PRKG1: variants seen among roughly 807,000 people sequenced by gnomAD.
The protein encoded by PRKG1 is protein kinase cGMP-dependent 1, also known as cGMP-dependent protein kinase 1.
In PRKG1, 35 loss-of-function variants were observed where a neutral mutation model predicts 88.1. The ratio of observed to expected loss-of-function variants is 0.40; its 90% confidence interval spans 0.30 to 0.53. The LOEUF (loss-of-function observed/expected upper bound fraction) is 0.53, where lower values mean the gene tolerates loss of function less well. PRKG1 is among the 20% of genes least tolerant of loss of function. The probability of loss-of-function intolerance (pLI) is 0.59; values close to 1 mark genes in which losing one functional copy is unlikely to be tolerated. For synonymous variants in PRKG1, 303 were observed against 292.5 expected, an observed-to-expected ratio of 1.04 and a Z score of -0.37; for missense variants, 540 against 839.8, an observed-to-expected ratio of 0.64 and a Z score of 4.41.
intron 2 of PRKG1, among the ~76,000 whole-genome samples, chr10:51,166,160 C>T (rs577511132): frequency 2.4e-4 from 36 of 151,332 alleles, no homozygotes; most frequent in South Asian, 4.2e-4. Flanking sequence ...CAGATTTATG[C>T]GATCCTTGAT....
intron 12 of PRKG1, among the ~76,000 whole-genome samples, chr10:52,274,867 T>C (rs942225650): frequency 6.6e-6 from 1 of 152,154 alleles, no homozygotes; most frequent in Non-Finnish European, 1.5e-5. Context: ...TTTTTGATTA[T>C]GGCCATTCTT....
intron 3 of PRKG1, among the ~76,000 whole-genome samples, chr10:51,521,491 T>C (rs1564533323): frequency 6.6e-6 from 1 of 152,228 alleles, no homozygotes; most frequent in African/African-American, 2.4e-5. Flanking sequence ...ACATGAGTTG[T>C]ATTTAAAATT....
At chr10:51,281,147 G>C (rs1393581706) in intron 2 of PRKG1, among the ~76,000 whole-genome samples, 1 of 152,144 alleles carries the variant, frequency 6.6e-6, no homozygotes, top group African/African-American at 2.4e-5. Context: ...TGTTTGCCTG[G>C]GTATCAGCAG....
chr10:51,555,292 A>G (rs1837281857), intron 3 of PRKG1, among the ~76,000 whole-genome samples: 1 of 151,976 alleles, frequency 6.6e-6, no homozygotes, highest in Admixed American at 6.6e-5. Context: ...AAATCCTGCA[A>G]CAACACATTC....
chr10:51,755,546 A>AACCTAAGC (rs1431824533), intron 3 of PRKG1, among the ~76,000 whole-genome samples: 1 of 152,212 alleles, frequency 6.6e-6, no homozygotes, highest in Non-Finnish European at 1.5e-5. Context: ...CTTGCCTTAT[A>AACCTAAGC]ACCTAAGCAT....
chr10:51,010,605 T>C (rs1352485286), intron 1 of PRKG1, among the ~76,000 whole-genome samples: 2 of 152,236 alleles, frequency 1.3e-5, no homozygotes, highest in East Asian at 3.8e-4. Flanking sequence ...GTGCTTGAAC[T>C]GTCCAAGTTG....
intron 3 of PRKG1, among the ~76,000 whole-genome samples, chr10:51,525,305 C>G (rs1564534819): frequency 6.6e-6 from 1 of 152,032 alleles, no homozygotes. Flanking sequence ...ACCTTAACAT[C>G]TAGAATTTTA....
intron 9 of PRKG1, among the ~76,000 whole-genome samples, chr10:52,211,496 T>C (rs1247735466): frequency 1.3e-5 from 2 of 152,148 alleles, no homozygotes; most frequent in Non-Finnish European, 2.9e-5. Flanking sequence ...TTTATTTCTA[T>C]TTAAGAATTA....
chr10:51,994,111 C>G (rs1844377425), intron 5 of PRKG1, among the ~76,000 whole-genome samples: 1 of 152,202 alleles, frequency 6.6e-6, no homozygotes, highest in Non-Finnish European at 1.5e-5. Context: ...TCCTCAGTGG[C>G]AAACTACTGC....
intron 9 of PRKG1, among the ~76,000 whole-genome samples, chr10:52,233,193 A>T (rs964791150): frequency 3.3e-5 from 5 of 151,996 alleles, no homozygotes; most frequent in Non-Finnish European, 7.4e-5. Context: ...CCAAAAAAAA[A>T]AAAAGAGAGA....
chr10:52,257,861 G>A (rs1438951068), intron 10 of PRKG1, among the ~76,000 whole-genome samples: 1 of 139,434 alleles, frequency 7.2e-6, no homozygotes, highest in African/African-American at 2.5e-5. Context: ...TTGAGCATCA[G>A]TAGGTGTAGT....
chr10:51,062,075 A>C (rs1843698200), intron 1 of PRKG1, among the ~76,000 whole-genome samples: 2 of 152,158 alleles, frequency 1.3e-5, no homozygotes, highest in African/African-American at 4.8e-5. Context: ...GGATTATGTG[A>C]TCTTCCTTCA....
chr10:52,044,053 T>A (rs1845810995), intron 5 of PRKG1, among the ~76,000 whole-genome samples: 1 of 152,112 alleles, frequency 6.6e-6, no homozygotes, highest in Non-Finnish European at 1.5e-5. Context: ...TCATAAACTC[T>A]GAAGGTGTTC....
intron 4 of PRKG1, among the ~76,000 whole-genome samples, chr10:51,846,804 T>C (rs1350245897): frequency 1.3e-5 from 2 of 152,062 alleles, no homozygotes; most frequent in African/African-American, 4.8e-5. Flanking sequence ...TTTCAGCAGG[T>C]TAATTGGACA....
intron 2 of PRKG1, among the ~76,000 whole-genome samples, chr10:51,273,775 T>C (rs1446298829): frequency 6.6e-6 from 1 of 152,236 alleles, no homozygotes. Context: ...CCTCATCAGA[T>C]GAATCCTGTA....
chr10:51,786,445 C>A (rs956515828), intron 3 of PRKG1, among the ~76,000 whole-genome samples: 1 of 151,968 alleles, frequency 6.6e-6, no homozygotes, highest in Non-Finnish European at 1.5e-5. Flanking sequence ...GGAATTTGAC[C>A]AGCCTTCTTT....
At chr10:51,043,915 GCAGTACTGAGGAA>G (rs1378355823) in intron 1 of PRKG1, among the ~76,000 whole-genome samples, 1 of 152,150 alleles carries the variant, frequency 6.6e-6, no homozygotes, top group Non-Finnish European at 1.5e-5. Flanking sequence ...TCAGTTATGT[GCAGTACTGAGGAA>G]CACTAGCTAA....
chr10:51,697,300 A>T (rs1236063386), intron 3 of PRKG1: 1 of 164,400 alleles, frequency 6.1e-6, no homozygotes. Context: ...CAAAAATCTT[A>T]AAACTATCTT....
intron 2 of PRKG1, among the ~76,000 whole-genome samples, chr10:51,345,037 C>T (rs1012444046): frequency 5.3e-5 from 8 of 151,978 alleles, no homozygotes; most frequent in African/African-American, 1.7e-4. Context: ...TCTACCTCTC[C>T]AAGGTGATCT....
Sources: allele counts gnomAD v4.1 joint callset (sites outside exome capture counted in the v4.1 genomes callset), GRCh38; gene constraint gnomAD v4.1.1; transcripts MANE v1.5; gene names NCBI Gene and HGNC (gene_info 2026-07-23, HGNC 2026-07-21).